Variants in RAI14 observed in about 807,000 individuals in gnomAD.
RAI14 encodes retinoic acid induced 14.
A neutral mutation model predicts 115.4 loss-of-function variants in RAI14; 45 were observed. That is an observed-to-expected ratio of 0.39 (90% CI 0.31 to 0.50). The LOEUF is 0.50. RAI14 is among the 20% of genes least tolerant of loss of function. The pLI is 0.85. For missense variants in RAI14, 939 were observed against 1,131.2 expected, an observed-to-expected ratio of 0.83 and a Z score of 2.44; for synonymous variants, 371 against 415.4, an observed-to-expected ratio of 0.89 and a Z score of 1.30.
chr5:34,710,135 C>G (rs936375515), intron 2 of RAI14, among the ~76,000 whole-genome samples: 2 of 152,232 alleles, frequency 1.3e-5, no homozygotes. Context: ...TAAAGTGCCA[C>G]AGATGGGCGG....
intron 3 of RAI14, among the ~76,000 whole-genome samples, chr5:34,769,993 T>C (rs1301058601): frequency 6.6e-6 from 1 of 152,188 alleles, no homozygotes; most frequent in Non-Finnish European, 1.5e-5. Flanking sequence ...CCTCCCCAAG[T>C]GCTAGGATTA....
At chr5:34,739,057 A>T (rs1285301093) in intron 2 of RAI14, among the ~76,000 whole-genome samples, 1 of 152,222 alleles carries the variant, frequency 6.6e-6, no homozygotes, top group Non-Finnish European at 1.5e-5. Context: ...GTATATTGTG[A>T]ATATGAACAT....
chr5:34,670,858 G>T (rs143342259), intron 1 of RAI14, among the ~76,000 whole-genome samples: 169 of 152,262 alleles, frequency 1.1e-3, no homozygotes, highest in Non-Finnish European at 3.2e-4. Flanking sequence ...TGCTTCAACC[G>T]TAATCTAGAC....
chr5:34,656,355 G>A lies in RAI14; in HGVS notation c.-169G>A, dbSNP rs1189100748. 6.6e-6 allele frequency: 1 copy of A among 152,012 alleles called. No individual in the cohort carries two copies. The highest frequency in any genetic ancestry group is 1.5e-5 in the Non-Finnish European group (1 of 67,980). 9.4% of individuals were successfully genotyped at this position (152,012 alleles called of 1,614,324 possible). ...TGACCCCCGCAGCGGGGGAGGAGGA[G>A]GGACTGCGGCGCAGGAAGCCGAGCA... On this transcript the variant is annotated 5_prime_UTR_variant, in exon 1 of 18. Transcript: ENST00000265109.
At chr5:34,774,191 TAA>T (rs556425919) in intron 3 of RAI14, among the ~76,000 whole-genome samples, 3 of 141,256 alleles carry the variant, frequency 2.1e-5, no homozygotes, top group Admixed American at 7.1e-5. Flanking sequence ...TGTGTCTACT[TAA>T]AAAAAAAAAA....
chr5:34,687,985 GA>G, intron 2 of RAI14: 1 of 1,182,124 alleles, frequency 8.5e-7, no homozygotes, highest in South Asian at 1.7e-5. Flanking sequence ...ATGCTTATGG[GA>G]TGATGGTAAA....
chr5:34,746,250 T>C (rs1054490768), intron 2 of RAI14, among the ~76,000 whole-genome samples: 18 of 151,834 alleles, frequency 1.2e-4, no homozygotes, highest in Non-Finnish European at 2.2e-4. Flanking sequence ...GGACTACAGG[T>C]GCCTGCCACC....
chr5:34,749,793 T>C (rs1746755127), intron 2 of RAI14, among the ~76,000 whole-genome samples: 1 of 152,204 alleles, frequency 6.6e-6, no homozygotes, highest in South Asian at 2.1e-4. Context: ...AACATATGGC[T>C]TCCTGAACTT....
At chr5:34,717,967 T>C (rs917335290) in intron 2 of RAI14, among the ~76,000 whole-genome samples, 1 of 145,766 alleles carries the variant, frequency 6.9e-6, no homozygotes, top group East Asian at 2.1e-4. Flanking sequence ...GGAAGCAGAA[T>C]GTTTACTCAG....
chr5:34,741,698 G>A (rs1745533134), intron 2 of RAI14, among the ~76,000 whole-genome samples: 1 of 152,162 alleles, frequency 6.6e-6, no homozygotes, highest in Non-Finnish European at 1.5e-5. Flanking sequence ...CCTTGAATGG[G>A]GGCATGGAAG....
At chr5:34,732,592 C>T (rs1191112939) in intron 2 of RAI14, among the ~76,000 whole-genome samples, 1 of 151,614 alleles carries the variant, frequency 6.6e-6, no homozygotes, top group Non-Finnish European at 1.5e-5. Context: ...GTGTATGCCA[C>T]CATGCCTGGC....
chr5:34,702,509 C>T (rs1740202879), intron 2 of RAI14, among the ~76,000 whole-genome samples: 1 of 152,150 alleles, frequency 6.6e-6, no homozygotes, highest in South Asian at 2.1e-4. Flanking sequence ...GGGGAAGAAA[C>T]AGGTCTCAAA....
intron 2 of RAI14, among the ~76,000 whole-genome samples, chr5:34,704,661 A>G (rs1462168269): frequency 1.3e-5 from 2 of 151,832 alleles, no homozygotes; most frequent in East Asian, 1.9e-4. Context: ...GTTCCCAGTT[A>G]TATACTCCTA....
At chr5:34,777,925 A>C (rs1180646189) in intron 3 of RAI14, among the ~76,000 whole-genome samples, 4 of 152,158 alleles carry the variant, frequency 2.6e-5, no homozygotes, top group Admixed American at 2.0e-4. Flanking sequence ...CAAATGAATA[A>C]ACCCCACTAT....
At chr5:34,798,285 C>T (rs1026997658) in intron 4 of RAI14, among the ~76,000 whole-genome samples, 9 of 152,154 alleles carry the variant, frequency 5.9e-5, no homozygotes, top group East Asian at 1.9e-4. Flanking sequence ...GTGATCCACC[C>T]GCCTTGGCAT....
At chr5:34,683,402 A>G (rs539243997) in intron 1 of RAI14, among the ~76,000 whole-genome samples, 3 of 152,138 alleles carry the variant, frequency 2.0e-5, no homozygotes, top group South Asian at 4.1e-4. Flanking sequence ...TCCTCTTCAA[A>G]TAAGAGTTTG....
intron 2 of RAI14, among the ~76,000 whole-genome samples, chr5:34,740,995 A>G (rs1020482613): frequency 6.6e-6 from 1 of 152,172 alleles, no homozygotes; most frequent in African/African-American, 2.4e-5. Context: ...CATCGTGCTC[A>G]TATGTGTGTA....
At chr5:34,662,670 A>G (rs1742780606) in intron 1 of RAI14, among the ~76,000 whole-genome samples, 1 of 152,028 alleles carries the variant, frequency 6.6e-6, no homozygotes, top group Admixed American at 6.6e-5. Context: ...GCTGAAAATC[A>G]TAAACATAGA....
At chr5:34,818,721 G>C (rs1470744267) in intron 12 of RAI14, 76 bp from the exon 13 acceptor site, 1 of 1,255,102 alleles carries the variant, frequency 8.0e-7, no homozygotes, top group Non-Finnish European at 1.2e-6. Flanking sequence ...TAAGCTCAAG[G>C]AGGAAAGTCT....
Sources: gnomAD v4.1 joint callset for allele counts (sites outside exome capture counted in the v4.1 genomes callset) on GRCh38, gnomAD v4.1.1 for gene constraint, MANE v1.5 for transcripts, NCBI Gene and HGNC (gene_info 2026-07-23, HGNC 2026-07-21) for gene names.